PALLD: variants seen among roughly 807,000 people sequenced by gnomAD.
The protein encoded by PALLD is palladin.
Under a neutral mutation model 123.5 loss-of-function variants are expected in PALLD, and 61 were observed. The observed-to-expected ratio is 0.49, with a 90% CI of 0.40 to 0.61. The LOEUF is 0.61. Among genes scored for constraint, PALLD ranks in the 20% least tolerant of loss-of-function variants. The pLI is 0.00. For synonymous variants in PALLD, 465 were observed against 496.4 expected, an observed-to-expected ratio of 0.94 and a Z score of 0.84; for missense variants, 1,273 against 1,377.0, an observed-to-expected ratio of 0.92 and a Z score of 1.20.
At chr4:168,719,519 T>C (rs561423161) in intron 10 of PALLD, among the ~76,000 whole-genome samples, 69 of 152,156 alleles carry the variant, frequency 4.5e-4, no homozygotes, top group Non-Finnish European at 8.7e-4. Context: ...CTTGGCCTCC[T>C]CAAGTGCTAG....
At chr4:168,565,047 G>A (rs949662891) in intron 2 of PALLD, among the ~76,000 whole-genome samples, 4 of 148,280 alleles carry the variant, frequency 2.7e-5, no homozygotes, top group East Asian at 2.0e-4. Flanking sequence ...AAAAAAATTC[G>A]CTGGGCATGG....
chr4:168,564,179 A>G (rs1456443359), intron 2 of PALLD, among the ~76,000 whole-genome samples: 2 of 152,196 alleles, frequency 1.3e-5, no homozygotes, highest in Non-Finnish European at 2.9e-5. Context: ...AATTCACTCA[A>G]CAGTTACTGA....
In PALLD at chr4:168,499,246, A is replaced by AGAAGGGAGGGAGGAAGGGAGGGAG. The variant is rs1554029962; in HGVS notation, c.-83+2055_-83+2078dup. ...AAGGGAGACGGGGAAGAAGGAAGGGAGAAGGGAGGGAGGAAGGGAGGGAGG... is the reference window on the plus strand; with the variant it reads ...AAGGGAGACGGGGAAGAAGGAAGGGAGAAGGGAGGGAGGAAGGGAGGGAGGAAGGGAGGGAGGAAGGGAGGGAGG... On this transcript the variant is annotated intron_variant, in intron 1 of 21. Coordinates refer to ENST00000505667, the MANE Select transcript of PALLD (RefSeq NM_001166108.2). Among the ~76,000 whole-genome samples the AGAAGGGAGGGAGGAAGGGAGGGAG allele has an allele frequency of 2.2e-4, 18 of 82,058 alleles. 2 individuals carry two copies. Among genetic ancestry groups the AGAAGGGAGGGAGGAAGGGAGGGAG allele is most frequent in the African/African-American group, 9.3e-4 (18 of 19,280 alleles). 53.8% of individuals were successfully genotyped at this position (82,058 alleles called of 152,430 possible).
rs148234618 is a variant in PALLD at position 168,508,443 on chromosome 4, C to T, written c.-82-2980C>T. On this transcript the variant is annotated intron_variant, in intron 1 of 21. Transcript: ENST00000505667. ...GCATGTGGTAGATAGTCCATAAATA[C>T]ACTTCGAGTGGGTAATTCTGGTCCA... 1.7e-3 allele frequency among the ~76,000 whole-genome samples: 253 copies of T among 152,306 alleles called. 1 individual carries two copies. Among genetic ancestry groups the T allele is most frequent in the Admixed American group, 1.3e-3 (20 of 15,302 alleles).
chr4:168,786,499 C>A (rs1736782684), intron 10 of PALLD, among the ~76,000 whole-genome samples: 1 of 152,110 alleles, frequency 6.6e-6, no homozygotes, highest in Non-Finnish European at 1.5e-5. Flanking sequence ...CACAGGAAAA[C>A]CCTGTCTCTA....
At chr4:168,728,346 G>A (rs72699874) in intron 10 of PALLD, among the ~76,000 whole-genome samples, 1 of 152,070 alleles carries the variant, frequency 6.6e-6, no homozygotes, top group East Asian at 1.9e-4. Context: ...TAGCATGGAT[G>A]TTTTTTCATT....
intron 10 of PALLD, among the ~76,000 whole-genome samples, chr4:168,742,634 TA>T (rs1561470733): frequency 6.6e-6 from 1 of 152,208 alleles, no homozygotes; most frequent in African/African-American, 2.4e-5. Context: ...GTTTCCCAAC[TA>T]TGGTGAAAGA....
In PALLD at chr4:168,895,166, G is replaced by A. The variant is rs568913165; in HGVS notation, c.2199+489G>A. Among the ~76,000 whole-genome samples the A allele has an allele frequency of 1.1e-3, 175 of 152,178 alleles. 1 individual carries two copies. Among genetic ancestry groups the A allele is most frequent in the Non-Finnish European group, 2.3e-3 (157 of 68,002 alleles). On this transcript the variant is annotated intron_variant, in intron 12 of 21. Coordinates refer to ENST00000505667, the MANE Select transcript of PALLD (RefSeq NM_001166108.2). The stretch of plus-strand genomic sequence containing the variant: ...TGGGAGGCTGAGGTGGGTGGATCAC[G>A]AGGTCAGGAGATCGAGACCATCGTG...
At chr4:168,596,139 T>C (rs778510978) in intron 2 of PALLD, among the ~76,000 whole-genome samples, 49 of 152,234 alleles carry the variant, frequency 3.2e-4, no homozygotes, top group East Asian at 1.9e-4. Flanking sequence ...CTTGAGTACC[T>C]ATTATTGCCA....
intron 2 of PALLD, among the ~76,000 whole-genome samples, chr4:168,529,338 A>AG (rs1764379056): frequency 6.6e-6 from 1 of 151,474 alleles, no homozygotes; most frequent in African/African-American, 2.4e-5. Context: ...CTCTGTCTCG[A>AG]GAAAAAAAAA....
At chr4:168,765,101 A>T (rs571093646) in intron 10 of PALLD, among the ~76,000 whole-genome samples, 1 of 152,332 alleles carries the variant, frequency 6.6e-6, no homozygotes, top group South Asian at 2.1e-4. Context: ...GTTAGTCTGA[A>T]TCTAATCTCT....
chr4:168,497,376 A>G (rs1248403109), intron 1 of PALLD, among the ~76,000 whole-genome samples, 182 bp downstream of exon 1: 2 of 152,224 alleles, frequency 1.3e-5, no homozygotes, highest in Non-Finnish European at 2.9e-5. Context: ...AAAAACAGAT[A>G]ATACGTAAGA....
At chr4:168,900,594 T>C (rs901988391) in intron 14 of PALLD, among the ~76,000 whole-genome samples, 7 of 152,226 alleles carry the variant, frequency 4.6e-5, no homozygotes, top group African/African-American at 1.7e-4. Flanking sequence ...TTGTTTTGTT[T>C]TCCCACCATG....
intron 2 of PALLD, among the ~76,000 whole-genome samples, chr4:168,588,860 A>G (rs1411073913): frequency 6.6e-6 from 1 of 152,160 alleles, no homozygotes; most frequent in Non-Finnish European, 1.5e-5. Flanking sequence ...AAGTAAAATT[A>G]TTTTCCTCCA....
intron 10 of PALLD, among the ~76,000 whole-genome samples, chr4:168,805,434 T>C (rs542479004): frequency 6.6e-6 from 1 of 152,112 alleles, no homozygotes; most frequent in South Asian, 2.1e-4. Context: ...TTTAAGGAAT[T>C]TTTTTCTCTC....
At chr4:168,639,923 G>A (rs114849080) in intron 2 of PALLD, among the ~76,000 whole-genome samples, 1,920 of 152,224 alleles carry the variant, frequency 0.013, 57 homozygotes, top group South Asian at 0.09. Flanking sequence ...AATAATACCA[G>A]ATCTTTTTGC....
chr4:168,807,512 C>T lies in PALLD; in HGVS notation c.1965-83410C>T, dbSNP rs141633937. ...GCGACCTCCGCCTCGTGGGTTCGTG[C>T]GATTCTACTGCCTCGGCCTCCTGAA... On this transcript the variant is annotated intron_variant, in intron 10 of 21. Transcript: ENST00000505667. 6.1e-4 allele frequency among the ~76,000 whole-genome samples: 93 copies of T among 151,828 alleles called. 1 individual carries two copies. Among genetic ancestry groups the T allele is most frequent in the African/African-American group, 2.1e-3 (87 of 41,406 alleles).
At chr4:168,516,270 T>C (rs1434865756) in intron 2 of PALLD, among the ~76,000 whole-genome samples, 1 of 152,200 alleles carries the variant, frequency 6.6e-6, no homozygotes, top group Non-Finnish European at 1.5e-5. Context: ...TCATTTTTTC[T>C]CTGCTTATGC....
intron 10 of PALLD, among the ~76,000 whole-genome samples, chr4:168,784,070 A>AC (rs1288448419): frequency 4.6e-5 from 7 of 151,920 alleles, no homozygotes; most frequent in South Asian, 2.1e-4. Context: ...CAATAATGAG[A>AC]CCCCATCTCT....
Sources: gnomAD v4.1 joint callset for allele counts (sites outside exome capture counted in the v4.1 genomes callset) on GRCh38, gnomAD v4.1.1 for gene constraint, MANE v1.5 for transcripts, NCBI Gene and HGNC (gene_info 2026-07-23, HGNC 2026-07-21) for gene names.